Variants in SLC7A5 observed in about 807,000 individuals in gnomAD.
SLC7A5 encodes large neutral amino acids transporter small subunit 1.
SLC7A5 carries 23 observed loss-of-function variants against 50.2 expected under a neutral mutation model. The ratio of observed to expected loss-of-function variants is 0.46; its 90% CI spans 0.33 to 0.65. The LOEUF is 0.65. Ranked by LOEUF, SLC7A5 falls within the 30% of genes least tolerant of loss-of-function variation. The pLI is 0.02. For missense variants in SLC7A5, 578 were observed against 684.4 expected (o/e 0.84, Z 1.73); for synonymous variants, 393 against 330.6 (o/e 1.19, Z -2.05).
At position 87,841,280 on chromosome 16, in the gene SLC7A5, C is replaced by G; in HGVS notation, c.665-125G>C. 1 of 706,874 alleles carries G rather than the reference C, an allele frequency of 1.4e-6. No homozygotes were observed. Among genetic ancestry groups the G allele is most frequent in the Non-Finnish European group, 2.6e-6 (1 of 387,744 alleles). The allele number at this position is 706,874 out of a possible 1,614,324, so 43.8% of individuals were successfully genotyped here. On this transcript the variant is annotated intron_variant, in intron 2 of 9. Transcript: ENST00000261622. This position sits in a 1 kb window ranked among gnomAD's most constrained non-coding sequence, Gnocchi z 4.8. ...AAAATGCTGGAGTGAAGGCTTTTCACTGTGACAAATGGTATGTACCTGCTG... is the reference window on the plus strand; with the variant it reads ...AAAATGCTGGAGTGAAGGCTTTTCAGTGTGACAAATGGTATGTACCTGCTG...
At chr16:87,847,405 T>A (rs940457385) in intron 2 of SLC7A5, among the ~76,000 whole-genome samples, 1 of 152,050 alleles carries the variant, frequency 6.6e-6, no homozygotes, top group African/African-American at 2.4e-5. Context: ...GAGGGCCAGA[T>A]GAGGGAGGCG....
rs777913538 is a variant in SLC7A5, at chr16:87,869,435, G to T, written c.-13C>A. On this transcript the variant is annotated 5_prime_UTR_variant, in exon 1 of 10. Coordinates refer to ENST00000261622, the MANE Select transcript of SLC7A5 (RefSeq NM_003486.7). ...CCGCACCCGCCATGCTCTGCGCACC[G>T]GCCGGGCCTGGGACACCCGGGAGCC... 186 of 1,435,996 alleles carry T rather than the reference G, an allele frequency of 1.3e-4. 1 individual carries two copies. Among genetic ancestry groups the T allele is most frequent in the Non-Finnish European group, 1.6e-4 (176 of 1,106,286 alleles). 89.0% of individuals were successfully genotyped at this position (1,435,996 alleles called of 1,614,324 possible). A position where few individuals can be genotyped will look rare whatever the true frequency, so the allele number is the denominator to read the frequency against.
rs1265266044 is a variant in SLC7A5, at chr16:87,837,931, C to T, written c.1054G>A (p.Val352Met). 6.2e-6 allele frequency: 10 copies of T among 1,604,020 alleles called. No homozygotes were observed. The highest frequency in any genetic ancestry group is 7.6e-6 in the Non-Finnish European group (9 of 1,176,582). The change falls in exon 7 of 10, where the codon GTG (valine) becomes ATG (methionine). Residue 352 changes from valine (V) to methionine (M), a missense_variant. Coordinates refer to ENST00000261622, the MANE Select transcript of SLC7A5 (RefSeq NM_003486.7). ...GGCAGGTGGCCTTCCCGGGACCCCACGAAGAAGAGCCTGTGGACAGACAAG... is the reference window on the plus strand; with the variant it reads ...GGCAGGTGGCCTTCCCGGGACCCCATGAAGAAGAGCCTGTGGACAGACAAG... ...SLFTSSRLFF[V>M]GSREGHLPSI...
Position 87,861,835 on chromosome 16 carries a change from C to T in SLC7A5, c.538+7050G>A, listed in dbSNP as rs2055402385. Among the ~76,000 whole-genome samples the T allele has an allele frequency of 6.6e-6, 1 of 152,218 alleles. No individual in the cohort carries two copies. The highest frequency in any genetic ancestry group is 2.1e-4 in the South Asian group (1 of 4,836). On this transcript the variant is annotated intron_variant, in intron 1 of 9. Transcript: ENST00000261622. The surrounding 1 kb of genome is among the most constrained non-coding windows in gnomAD (Gnocchi z 4.2). ...CTCAGGTCATGTGCTTCTGTGAGCT[C>T]CCCCTACGGCCTTGCCCCGAATCCC... is the stretch of plus-strand genomic sequence containing the variant.
chr16:87,838,734 C>A lies in SLC7A5; in HGVS notation c.1023G>T (p.Gly341=), dbSNP rs202192018. ...VGLSCFGSVN[G]SLFTSSRLFF... Reference sequence around the variant, plus strand: ...CTCACCTGGAGGATGTGAACAGGGACCCATTGACGGAGCCGAAGCAGGACA... The same window carrying A: ...CTCACCTGGAGGATGTGAACAGGGAACCATTGACGGAGCCGAAGCAGGACA... Residue 341 remains glycine (G), a synonymous_variant, in exon 6 of 10, where the codon GGG becomes GGT. Transcript: ENST00000261622. The A allele has an allele frequency of 6.2e-7, 1 of 1,613,864 alleles. No homozygotes were observed. Among genetic ancestry groups the A allele is most frequent in the African/African-American group, 1.3e-5 (1 of 75,032 alleles).
At chr16:87,836,869 G>C in intron 7 of SLC7A5, 1 of 542,870 alleles carries the variant, frequency 1.8e-6, no homozygotes, top group Non-Finnish European at 3.4e-6. Context: ...AGGAGGGAAG[G>C]AGGGAGGAGA....
Position 87,835,807 on chromosome 16 carries a change from C to CG in SLC7A5, c.1290+690dup, listed in dbSNP as rs2054995591. On this transcript the variant is annotated intron_variant, in intron 8 of 9. Coordinates refer to ENST00000261622, the MANE Select transcript of SLC7A5 (RefSeq NM_003486.7). ...GTTCAACAGCATTCACAGGCACCCC[C>CG]GGGGCCCCCAGGCTTCGGGAACACA... Among the ~76,000 whole-genome samples, 2 of 152,220 alleles carry CG rather than the reference C, an allele frequency of 1.3e-5. 1 individual carries two copies. Among genetic ancestry groups the CG allele is most frequent in the South Asian group, 4.1e-4 (2 of 4,836 alleles).
intron 5 of SLC7A5, 32 bp downstream of exon 5, chr16:87,839,670 C>T: frequency 1.9e-6 from 3 of 1,612,050 alleles, no homozygotes; most frequent in South Asian, 1.1e-5. Context: ...GCCTCTCAGG[C>T]CCCTGGTGGA....
intron 8 of SLC7A5, 175 bp from the exon 9 acceptor site, chr16:87,834,766 T>C (rs1431900492): frequency 1.2e-5 from 8 of 693,188 alleles, no homozygotes; most frequent in Non-Finnish European, 1.5e-5. Flanking sequence ...CGCCCTCGAC[T>C]CTGCATACAG....
chr16:87,844,109 C>CA (rs2055117147), intron 2 of SLC7A5, among the ~76,000 whole-genome samples: 1 of 150,712 alleles, frequency 6.6e-6, no homozygotes, highest in African/African-American at 2.5e-5. Context: ...CGTGGACAGA[C>CA]GGTGACATCT....
chr16:87,847,953 G>C (rs1034743063), intron 2 of SLC7A5, among the ~76,000 whole-genome samples: 4 of 152,318 alleles, frequency 2.6e-5, no homozygotes, highest in Admixed American at 6.5e-5. Context: ...CATAGGTGTA[G>C]GTCACATCCA....
chr16:87,842,696 C>T lies in SLC7A5; in HGVS notation c.665-1541G>A, dbSNP rs527292430. ...GCTGGTGGGTTCCCTGAGGGCTGCCCGCCACCCTGCCCTGCTGAGGCCTTG... is the reference window on the plus strand; with the variant it reads ...GCTGGTGGGTTCCCTGAGGGCTGCCTGCCACCCTGCCCTGCTGAGGCCTTG... On this transcript the variant is annotated intron_variant, in intron 2 of 9. Coordinates refer to ENST00000261622, the MANE Select transcript of SLC7A5 (RefSeq NM_003486.7). Among the ~76,000 whole-genome samples the T allele has an allele frequency of 3.1e-3, 466 of 152,258 alleles. 3 individuals carry two copies. The highest frequency in any genetic ancestry group is 0.011 in the African/African-American group (444 of 41,550).
At chr16:87,849,388 G>A (rs1182734355) in intron 2 of SLC7A5, among the ~76,000 whole-genome samples, 1 of 152,182 alleles carries the variant, frequency 6.6e-6, no homozygotes, top group African/African-American at 2.4e-5. Context: ...AGCTCAGAAG[G>A]GAATTGCTGG....
At chr16:87,848,817 T>G (rs1459174072) in intron 2 of SLC7A5, among the ~76,000 whole-genome samples, 2 of 152,186 alleles carry the variant, frequency 1.3e-5, no homozygotes. Flanking sequence ...ATGTTCTCAT[T>G]GGGACCCGGC....
intron 2 of SLC7A5, among the ~76,000 whole-genome samples, chr16:87,842,242 A>G (rs1018073052): frequency 2.0e-5 from 3 of 152,208 alleles, no homozygotes; most frequent in Non-Finnish European, 4.4e-5. Context: ...CGTGTGTGAC[A>G]GTATCCTTCC....
At chr16:87,838,339 T>G (rs1319623697) in intron 6 of SLC7A5, among the ~76,000 whole-genome samples, 1 of 146,536 alleles carries the variant, frequency 6.8e-6, no homozygotes, top group Admixed American at 6.9e-5. Flanking sequence ...TCACCCAGGC[T>G]GGAGTGCAGT....
intron 2 of SLC7A5, among the ~76,000 whole-genome samples, chr16:87,844,391 A>G (rs1228148585): frequency 6.6e-6 from 1 of 152,084 alleles, no homozygotes; most frequent in Non-Finnish European, 1.5e-5. Context: ...GATTTCAGGG[A>G]AAAGTGGCCT....
Position 87,841,042 on chromosome 16 carries a change from GA to G in SLC7A5, c.770+7del. On this transcript the variant is annotated splice_region_variant and intron_variant, in intron 3 of 9. Coordinates refer to ENST00000261622, the MANE Select transcript of SLC7A5 (RefSeq NM_003486.7). This position sits in a 1 kb window ranked among gnomAD's most constrained non-coding sequence, Gnocchi z 4.8. ...CAGACCAAGGGACCCAGACATTCCAGAACCTACCATCCTCCATAGGCAAAGA... is the reference window on the plus strand; with the variant it reads ...CAGACCAAGGGACCCAGACATTCCAGACCTACCATCCTCCATAGGCAAAGA... 2 of 1,599,994 alleles carry G rather than the reference GA, an allele frequency of 1.3e-6. No homozygotes were observed. Among genetic ancestry groups the G allele is most frequent in the Non-Finnish European group, 1.7e-6 (2 of 1,167,454 alleles).
intron 1 of SLC7A5, among the ~76,000 whole-genome samples, chr16:87,854,580 T>TC (rs2055290355): frequency 1.3e-5 from 2 of 152,178 alleles, no homozygotes; most frequent in South Asian, 4.1e-4. Flanking sequence ...AGCAGGGAGA[T>TC]CGACAGGGCT....
Sources: gnomAD v4.1 joint callset for allele counts (sites outside exome capture counted in the v4.1 genomes callset) on GRCh38, gnomAD v4.1.1 for gene constraint, Gnocchi (gnomAD v3.1) non-coding constraint, MANE v1.5 for transcripts, NCBI Gene and HGNC (gene_info 2026-07-23, HGNC 2026-07-21) for gene names.